MAP3K7CL: variants seen among roughly 807,000 people sequenced by gnomAD.
The protein encoded by MAP3K7CL is MAP3K7 C-terminal like, also known as MAP3K7 C-terminal-like protein.
In MAP3K7CL, 16 loss-of-function variants were observed where a neutral mutation model predicts 18.6. That is an observed-to-expected ratio of 0.86 (90% confidence interval 0.58 to 1.31). The LOEUF is 1.31. Among genes scored for constraint, MAP3K7CL ranks in the 50% most tolerant of loss-of-function variants. The pLI, the probability that MAP3K7CL is intolerant of heterozygous loss-of-function variation, is 0.00. For missense variants in MAP3K7CL, 163 were observed against 174.4 expected (o/e 0.93, Z 0.37); for synonymous variants, 65 against 66.8 (o/e 0.97, Z 0.13).
At chr21:29,114,871 C>T (rs926756537) in intron 4 of MAP3K7CL, among the ~76,000 whole-genome samples, 5 of 152,040 alleles carry the variant, frequency 3.3e-5, no homozygotes, top group East Asian at 3.9e-4. Context: ...AGGTTACTTT[C>T]GATAGAAGGT....
upstream of MAP3K7CL, among the ~76,000 whole-genome samples, chr21:29,128,356 G>A (rs1316713017): frequency 6.6e-6 from 1 of 150,544 alleles, no homozygotes; most frequent in Non-Finnish European, 1.5e-5. Context: ...AGGCTGGAGT[G>A]CAGTGGCACG....
upstream of MAP3K7CL, among the ~76,000 whole-genome samples, chr21:29,083,878 TATA>T (rs552489474): frequency 6.7e-6 from 1 of 150,310 alleles, no homozygotes; most frequent in East Asian, 1.9e-4. Context: ...ATGTAATATA[TATA>T]ATATTACCTC....
At chr21:29,112,597 G>C (rs62222401) in intron 4 of MAP3K7CL, among the ~76,000 whole-genome samples, 4,470 of 151,818 alleles carry the variant, frequency 0.029, 103 homozygotes, top group Middle Eastern at 0.099. Flanking sequence ...GTTTGATCAA[G>C]TTCAGTTTCT....
chr21:29,094,334 T>C (rs1439836649), intron 4 of MAP3K7CL, among the ~76,000 whole-genome samples: 1 of 152,234 alleles, frequency 6.6e-6, no homozygotes, highest in Non-Finnish European at 1.5e-5. Flanking sequence ...AATGTTAGCA[T>C]CTGTCAGAGT....
chr21:29,120,719 C>T (rs2086578891), intron 4 of MAP3K7CL, among the ~76,000 whole-genome samples: 1 of 149,976 alleles, frequency 6.7e-6, no homozygotes, highest in African/African-American at 2.5e-5. Flanking sequence ...CTCTCCTTCT[C>T]TCTTTCTTTT....
At chr21:29,130,153 C>T (rs2086752159), upstream of MAP3K7CL, among the ~76,000 whole-genome samples, 1 of 152,190 alleles carries the variant, frequency 6.6e-6, no homozygotes, top group Non-Finnish European at 1.5e-5. Context: ...TCAAAAATCA[C>T]AATCCAATTA....
chr21:29,144,322 G>A (rs574385702), intron 2 of MAP3K7CL, among the ~76,000 whole-genome samples: 1 of 152,170 alleles, frequency 6.6e-6, no homozygotes, highest in Admixed American at 6.5e-5. Context: ...GTGCCACCAA[G>A]CCAGGCTGAT....
intron 4 of MAP3K7CL, among the ~76,000 whole-genome samples, chr21:29,092,930 G>C (rs910728211): frequency 6.6e-6 from 1 of 152,146 alleles, no homozygotes; most frequent in Non-Finnish European, 1.5e-5. Context: ...TTGAGAAGGA[G>C]TCTCTCTCTG....
intron 2 of MAP3K7CL, among the ~76,000 whole-genome samples, chr21:29,138,875 C>A (rs1805337953): frequency 6.6e-6 from 1 of 152,006 alleles, no homozygotes; most frequent in Admixed American, 6.6e-5. Flanking sequence ...ATTCCTGGGG[C>A]ACTTGCTTGA....
At chr21:29,122,367 G>A (rs1376554484) in intron 4 of MAP3K7CL, among the ~76,000 whole-genome samples, 1 of 152,190 alleles carries the variant, frequency 6.6e-6, no homozygotes, top group African/African-American at 2.4e-5. Context: ...GCTGTTCACG[G>A]ATGGCTTAAG....
At chr21:29,124,890 A>T (rs911738593) in intron 4 of MAP3K7CL, among the ~76,000 whole-genome samples, 4 of 152,200 alleles carry the variant, frequency 2.6e-5, no homozygotes, top group Non-Finnish European at 5.9e-5. Flanking sequence ...AACAGCAGAG[A>T]TGAGTAATTG....
upstream of MAP3K7CL, chr21:29,128,251 G>C (rs985502355): frequency 3.3e-5 from 5 of 151,802 alleles, no homozygotes; most frequent in African/African-American, 9.7e-5. Flanking sequence ...TGATACTTTT[G>C]TCTCCTCCAA....
At chr21:29,091,590 C>G (rs762330122) in intron 2 of MAP3K7CL, 1 of 700,950 alleles carries the variant, frequency 1.4e-6, no homozygotes, top group Non-Finnish European at 2.6e-6. Context: ...ATTGTCCCAC[C>G]TCAGCCCCTC....
intron 1 of MAP3K7CL, among the ~76,000 whole-genome samples, chr21:29,090,984 T>A (rs554540927): frequency 1.3e-5 from 2 of 152,342 alleles, no homozygotes; most frequent in South Asian, 2.1e-4. Flanking sequence ...AATTTTATCA[T>A]TTCAACATTT....
Position 29,130,768 on chromosome 21 carries a change from G to T in MAP3K7CL, c.-195G>T. ...GGGGCAGAGCAGGTAGCAGCGTGCTGCCCTGACAGCTGTCTCCGCTCCTCA... is the reference window on the plus strand; with the variant it reads ...GGGGCAGAGCAGGTAGCAGCGTGCTTCCCTGACAGCTGTCTCCGCTCCTCA... On this transcript the variant is annotated 5_prime_UTR_variant, in exon 1 of 5. Transcript: ENST00000399928. The T allele has an allele frequency of 6.1e-6, 6 of 985,534 alleles. No individual in the cohort carries two copies. The highest frequency in any genetic ancestry group is 7.2e-6 in the Non-Finnish European group (6 of 830,014). 61.0% of individuals were successfully genotyped at this position (985,534 alleles called of 1,614,324 possible).
chr21:29,105,724 CA>C (rs1410154688), intron 4 of MAP3K7CL, among the ~76,000 whole-genome samples: 1 of 152,082 alleles, frequency 6.6e-6, no homozygotes, highest in African/African-American at 2.4e-5. Flanking sequence ...TGGAAGGGGC[CA>C]GTGGGGGAGG....
intron 4 of MAP3K7CL, among the ~76,000 whole-genome samples, chr21:29,162,178 T>C (rs2146732291): frequency 6.6e-6 from 1 of 152,182 alleles, no homozygotes; most frequent in East Asian, 1.9e-4. Flanking sequence ...AGCCTGTAAA[T>C]GTATCTTCTG....
chr21:29,092,432 T>C (rs1568930067), intron 3 of MAP3K7CL: 2 of 1,614,068 alleles, frequency 1.2e-6, no homozygotes, highest in Admixed American at 1.7e-5. Context: ...CCTTGATCTT[T>C]ATTTAGTATT....
intron 4 of MAP3K7CL, among the ~76,000 whole-genome samples, chr21:29,096,558 G>T (rs1161227916): frequency 6.6e-6 from 1 of 152,138 alleles, no homozygotes; most frequent in Non-Finnish European, 1.5e-5. Context: ...ATATTCCAAG[G>T]CCCAGGGATG....
Sources: gnomAD v4.1 joint callset for allele counts (sites outside exome capture counted in the v4.1 genomes callset) on GRCh38, gnomAD v4.1.1 for gene constraint, MANE v1.5 for transcripts, NCBI Gene and HGNC (gene_info 2026-07-23, HGNC 2026-07-21) for gene names.